Variants in DLGAP2 observed in about 807,000 individuals in gnomAD.
The protein encoded by DLGAP2 is DLG associated protein 2, also known as disks large-associated protein 2.
DLGAP2 carries 26 observed loss-of-function variants against 100.3 expected under a neutral mutation model. The observed-to-expected ratio is 0.26, with a 90% CI of 0.19 to 0.36. DLGAP2 has a LOEUF of 0.36. Ranked by LOEUF, DLGAP2 falls within the 10% of genes least tolerant of loss-of-function variation. The pLI, the probability that DLGAP2 is intolerant of heterozygous loss-of-function variation, is 1.00. For synonymous variants in DLGAP2, 886 were observed against 630.1 expected, an observed-to-expected ratio of 1.41 and a Z score of -6.08; for missense variants, 1,858 against 1,453.2, an observed-to-expected ratio of 1.28 and a Z score of -4.53.
chr8:1,678,087 C>T (rs983723953), intron 11 of DLGAP2, 127 bp from the exon 12 acceptor site: 2 of 1,046,732 alleles, frequency 1.9e-6, no homozygotes, highest in African/African-American at 1.6e-5. Context: ...ACAAACAAAA[C>T]ACTACCTGCC....
In DLGAP2 at chr8:1,349,283, C is replaced by T. The variant is rs554617041; in HGVS notation, c.106+90400C>T. 1.5e-4 allele frequency among the ~76,000 whole-genome samples: 23 copies of T among 151,512 alleles called. 2 individuals are homozygous for T. The highest frequency in any genetic ancestry group is 4.4e-4 in the African/African-American group (18 of 41,306). On this transcript the variant is annotated intron_variant, in intron 3 of 14. Coordinates refer to ENST00000637795, the MANE Select transcript of DLGAP2 (RefSeq NM_001346810.2). ...GGGGGCACTATCACGAGCCTCCCGC[C>T]GACATCCACACATGTCATGAGCCTC...
chr8:1,178,664 C>A (rs189677307), intron 2 of DLGAP2, among the ~76,000 whole-genome samples: 1 of 152,208 alleles, frequency 6.6e-6, no homozygotes, highest in East Asian at 1.9e-4. Context: ...TCAAACCCAC[C>A]TTGAATGGAT....
intron 2 of DLGAP2, among the ~76,000 whole-genome samples, chr8:1,102,362 A>T (rs952657169): frequency 6.8e-6 from 1 of 147,780 alleles, no homozygotes; most frequent in South Asian, 2.1e-4. Context: ...TATATCTATT[A>T]TATATTTATA....
At chr8:1,371,944 G>A (rs536113444) in intron 3 of DLGAP2, among the ~76,000 whole-genome samples, 1 of 152,370 alleles carries the variant, frequency 6.6e-6, no homozygotes, top group South Asian at 2.1e-4. Context: ...TCTGAAAAGA[G>A]AGCCAGGGAG....
intron 6 of DLGAP2, among the ~76,000 whole-genome samples, chr8:1,625,026 CATT>C (rs1797456662): frequency 6.6e-6 from 1 of 152,160 alleles, no homozygotes; most frequent in South Asian, 2.1e-4. Context: ...AATAAGAATT[CATT>C]GAGTCCAGTT....
chr8:1,344,115 T>TC (rs1801487942), intron 3 of DLGAP2, among the ~76,000 whole-genome samples: 1 of 149,842 alleles, frequency 6.7e-6, no homozygotes. Flanking sequence ...GTCCATGTAT[T>TC]CGGGGCCCTG....
chr8:779,179 A>G (rs1821617201), intron 1 of DLGAP2, among the ~76,000 whole-genome samples: 2 of 152,212 alleles, frequency 1.3e-5, no homozygotes, highest in South Asian at 2.1e-4. Flanking sequence ...GAGTGAGGCA[A>G]TGCCTCGCCC....
At chr8:1,566,347 A>C (rs2130578220) in intron 6 of DLGAP2, among the ~76,000 whole-genome samples, 1 of 152,330 alleles carries the variant, frequency 6.6e-6, no homozygotes, top group African/African-American at 2.4e-5. Flanking sequence ...GAAATGGACT[A>C]GCTTTATAAA....
chr8:737,822 GA>G lies in DLGAP2; in HGVS notation c.17del (p.Lys6ArgfsTer52). MSALRKVLPGILQKHC... is the reference protein window; with the variant it reads MSALRXVLPGILQKHC... Reference sequence around the variant, plus strand: ...AGCGTCCGAGGATGTCCGCGCTGAGGAAGGTGCGAGCCGCCGGGGGCTGCCG... The same window carrying G: ...AGCGTCCGAGGATGTCCGCGCTGAGGAGGTGCGAGCCGCCGGGGGCTGCCG... On this transcript the variant is annotated frameshift_variant and splice_region_variant, in exon 1 of 15. Transcript: ENST00000637795. LOFTEE classifies it high-confidence loss of function. 2.6e-6 allele frequency: 1 copy of G among 379,510 alleles called. No homozygotes were observed. 23.5% of individuals were successfully genotyped at this position (379,510 alleles called of 1,614,324 possible). A position where few individuals can be genotyped will look rare whatever the true frequency, so the allele number is the denominator to read the frequency against.
At chr8:1,627,990 G>T (rs4875880) in intron 7 of DLGAP2, among the ~76,000 whole-genome samples, 1 of 101,652 alleles carries the variant, frequency 9.8e-6, no homozygotes, top group African/African-American at 5.7e-5. Context: ...GTGGAGCAGG[G>T]ATTAAGAGCT....
At chr8:1,592,666 A>G (rs1308095203) in intron 6 of DLGAP2, among the ~76,000 whole-genome samples, 1 of 151,998 alleles carries the variant, frequency 6.6e-6, no homozygotes. Context: ...TCCGTGTGTC[A>G]TTTTTCTGTA....
intron 1 of DLGAP2, among the ~76,000 whole-genome samples, chr8:829,358 G>T (rs986707162): frequency 6.6e-6 from 1 of 152,164 alleles, no homozygotes; most frequent in South Asian, 2.1e-4. Flanking sequence ...CCATGAAGGT[G>T]ACAAATGCCC....
chr8:1,585,469 C>T (rs1429646721), intron 6 of DLGAP2, among the ~76,000 whole-genome samples: 4 of 152,300 alleles, frequency 2.6e-5, no homozygotes, highest in South Asian at 2.1e-4. Context: ...AAAAAAAATA[C>T]TCCTTAGGGC....
rs368116276 is a variant in DLGAP2 at position 838,450 on chromosome 8, C to T, written c.19-69462C>T. ...ATTTTTAGTGCTCCCTGAAAAATTT[C>T]ATTGTACAGCCAGGGTTGTGAACCA... is the stretch of plus-strand genomic sequence containing the variant. On this transcript the variant is annotated intron_variant, in intron 1 of 14. Coordinates refer to ENST00000637795, the MANE Select transcript of DLGAP2 (RefSeq NM_001346810.2). Among the ~76,000 whole-genome samples, 12 of 151,840 alleles carry T rather than the reference C, an allele frequency of 7.9e-5. No individual in the cohort carries two copies. The East Asian group carries it at 2.3e-3, about 29-fold the overall frequency.
At chr8:1,195,181 GT>G (rs1345920046) in intron 2 of DLGAP2, among the ~76,000 whole-genome samples, 1 of 152,242 alleles carries the variant, frequency 6.6e-6, no homozygotes, top group East Asian at 1.9e-4. Context: ...AGACGAGGGT[GT>G]CAGGAAGGTG....
rs537600516 is a variant in DLGAP2, at chr8:1,313,464, C to A, written c.106+54581C>A. Among the ~76,000 whole-genome samples the A allele has an allele frequency of 7.2e-5, 11 of 152,234 alleles. No homozygotes were observed. The East Asian group carries it at 1.5e-3, about 21-fold the overall frequency. ...ACCTATAATCTCCCCTATACTCCCC[C>A]CCTTAATTATGGAGAATGGTAAAGT... On this transcript the variant is annotated intron_variant, in intron 3 of 14. Transcript: ENST00000637795.
chr8:859,637 G>A (rs1320936907), intron 1 of DLGAP2, among the ~76,000 whole-genome samples: 1 of 152,238 alleles, frequency 6.6e-6, no homozygotes, highest in Non-Finnish European at 1.5e-5. Context: ...GAAGTCAGCT[G>A]TCTCAGCACC....
chr8:1,509,104 G>A (rs995610613), intron 4 of DLGAP2, among the ~76,000 whole-genome samples: 2 of 152,048 alleles, frequency 1.3e-5, no homozygotes, highest in African/African-American at 4.8e-5. Context: ...AGGCCGAGGC[G>A]GGCGGATCAC....
intron 2 of DLGAP2, among the ~76,000 whole-genome samples, chr8:1,168,386 G>T (rs1480396466): frequency 6.6e-6 from 1 of 151,948 alleles, no homozygotes; most frequent in Non-Finnish European, 1.5e-5. Flanking sequence ...TAGTCCTTTG[G>T]TATATGCCCA....
Sources: allele counts gnomAD v4.1 joint callset (sites outside exome capture counted in the v4.1 genomes callset), GRCh38; gene constraint gnomAD v4.1.1; transcripts MANE v1.5; gene names NCBI Gene and HGNC (gene_info 2026-07-23, HGNC 2026-07-21).